The following SUV39H2 variants were observed in gnomAD, a reference collection of about 807,000 sequenced individuals.
The protein encoded by SUV39H2 is histone-lysine N-methyltransferase SUV39H2.
Under a neutral mutation model 47.5 loss-of-function variants are expected in SUV39H2, and 10 were observed. The ratio of observed to expected loss-of-function variants is 0.21; its 90% CI spans 0.13 to 0.36. SUV39H2 has a LOEUF of 0.36. Ranked by LOEUF, SUV39H2 falls within the 10% of genes least tolerant of loss-of-function variation. The pLI, the probability that SUV39H2 is intolerant of heterozygous loss-of-function variation, is 1.00. For missense variants in SUV39H2, 266 were observed against 487.4 expected, an observed-to-expected ratio of 0.55 and a Z score of 4.28; for synonymous variants, 159 against 166.8, an observed-to-expected ratio of 0.95 and a Z score of 0.36.
At chr10:14,888,453 G>A (rs1306333639) in intron 2 of SUV39H2, among the ~76,000 whole-genome samples, 1 of 151,900 alleles carries the variant, frequency 6.6e-6, no homozygotes, top group Non-Finnish European at 1.5e-5. Flanking sequence ...GGCCAACATG[G>A]TGAAACCCCG....
intron 2 of SUV39H2, among the ~76,000 whole-genome samples, chr10:14,882,927 G>T (rs573278260): frequency 4.0e-5 from 6 of 149,956 alleles, no homozygotes; most frequent in Non-Finnish European, 7.4e-5. Flanking sequence ...GAGTGCAGTC[G>T]TGCGATCTCA....
chr10:14,897,601 T>TAAAA, intron 3 of SUV39H2, 84 bp downstream of exon 3: 16 of 1,150,748 alleles, frequency 1.4e-5, no homozygotes, highest in Non-Finnish European at 1.7e-5. Flanking sequence ...CTTTAAGAGA[T>TAAAA]ACTTGGTACA....
In SUV39H2 at chr10:14,898,220, T is replaced by C. The variant is rs1241978173; in HGVS notation, c.849+703T>C. The C allele has an allele frequency of 1.5e-4, 21 of 142,504 alleles. No homozygotes were observed. The East Asian group carries it at 3.8e-3, about 25-fold the overall frequency. The allele number at this position is 142,504 out of a possible 1,614,324, so 8.8% of individuals were successfully genotyped here. ...ACTGTTTCTTTTTTTTTTTTTTTTT[T>C]TTTTTTTTTTGAGAAGTAGTACTGT... On this transcript the variant is annotated intron_variant, in intron 3 of 5. Transcript: ENST00000354919.
At chr10:14,894,391 G>T (rs1213671926) in intron 2 of SUV39H2, among the ~76,000 whole-genome samples, 1 of 44,828 alleles carries the variant, frequency 2.2e-5, no homozygotes, top group Non-Finnish European at 3.3e-5. Flanking sequence ...TTTTTGAGAC[G>T]GAGTCTCGCT....
intron 1 of SUV39H2, among the ~76,000 whole-genome samples, chr10:14,880,397 G>A (rs1438920930): frequency 6.6e-6 from 1 of 152,124 alleles, no homozygotes; most frequent in East Asian, 1.9e-4. Flanking sequence ...AAAGGTGATC[G>A]CAACTACCTT....
At chr10:14,894,499 CTGG>C (rs1833500879) in intron 2 of SUV39H2, among the ~76,000 whole-genome samples, 1 of 110,242 alleles carries the variant, frequency 9.1e-6, no homozygotes, top group South Asian at 3.4e-4. Context: ...TCCCGTGTAG[CTGG>C]GACTACAGGC....
chr10:14,902,865 A>C lies in SUV39H2; in HGVS notation c.*353A>C, dbSNP rs75420442. On this transcript the variant is annotated 3_prime_UTR_variant, in exon 6 of 6. Coordinates refer to ENST00000354919, the MANE Select transcript of SUV39H2 (RefSeq NM_001193424.2). ...TAATTAACAACTGCTGAGAGATCAAAGATTCAACTTGCCATACACCTCAAA... is the reference window on the plus strand; with the variant it reads ...TAATTAACAACTGCTGAGAGATCAACGATTCAACTTGCCATACACCTCAAA... 4.5e-5 allele frequency: 7 copies of C among 157,014 alleles called. No individual in the cohort carries two copies. The East Asian group carries it at 1.3e-3, about 29-fold the overall frequency. The allele number at this position is 157,014 out of a possible 1,614,324, so 9.7% of individuals were successfully genotyped here.
rs181364501 is a variant in SUV39H2 at position 14,881,055 on chromosome 10, A to G, written c.32-445A>G. On this transcript the variant is annotated intron_variant, in intron 1 of 5. Coordinates refer to ENST00000354919, the MANE Select transcript of SUV39H2 (RefSeq NM_001193424.2). ...AAAAAATGAAAGTTACGTGTTAACA[A>G]ATTATAAGATTGTTTTAAAGTATAT... Among the ~76,000 whole-genome samples, 801 of 152,342 alleles carry G rather than the reference A, an allele frequency of 5.3e-3. 5 individuals are homozygous for G. The highest frequency in any genetic ancestry group is 9.1e-3 in the Non-Finnish European group (621 of 68,008).
chr10:14,898,202 CTTTTTTTTTTTTTTTT>C (rs919860514), intron 3 of SUV39H2: 1 of 56,156 alleles, frequency 1.8e-5, no homozygotes, highest in African/African-American at 7.1e-5. Flanking sequence ...AGTACTGTTT[CTTTTTTTTTTTTTTTT>C]TTTTTTTTTT....
At chr10:14,882,453 A>G (rs72772435) in intron 2 of SUV39H2, among the ~76,000 whole-genome samples, 7,932 of 152,190 alleles carry the variant, frequency 0.052, 247 homozygotes, top group East Asian at 0.11. Flanking sequence ...ATGCCCATGC[A>G]TCTCACCTGC....
intron 2 of SUV39H2, among the ~76,000 whole-genome samples, chr10:14,883,269 A>G (rs1833098122): frequency 6.6e-6 from 1 of 151,726 alleles, no homozygotes; most frequent in African/African-American, 2.4e-5. Context: ...ACCTTCAGAG[A>G]TTTTCTTTGG....
At chr10:14,884,313 T>G (rs753920489) in intron 2 of SUV39H2, among the ~76,000 whole-genome samples, 3 of 152,210 alleles carry the variant, frequency 2.0e-5, no homozygotes, top group African/African-American at 4.8e-5. Flanking sequence ...TTTCAGTTCT[T>G]CACATCCTGG....
intron 2 of SUV39H2, among the ~76,000 whole-genome samples, chr10:14,886,013 G>A (rs1166873708): frequency 6.6e-6 from 1 of 152,016 alleles, no homozygotes; most frequent in Non-Finnish European, 1.5e-5. Context: ...CTGGCCACCC[G>A]CCACCTTTCC....
chr10:14,879,033 C>T, intron 1 of SUV39H2, 114 bp downstream of exon 1: 2 of 1,317,346 alleles, frequency 1.5e-6, no homozygotes, highest in African/African-American at 1.6e-5. Flanking sequence ...GTTCCCCGCC[C>T]GCCGCGACCC....
chr10:14,879,371 C>G (rs1473275943), intron 1 of SUV39H2, among the ~76,000 whole-genome samples: 1 of 152,212 alleles, frequency 6.6e-6, no homozygotes, highest in Non-Finnish European at 1.5e-5. Flanking sequence ...CCGGCGTGAA[C>G]ATGACCTTAA....
At chr10:14,886,103 G>A (rs1833199928) in intron 2 of SUV39H2, among the ~76,000 whole-genome samples, 2 of 152,276 alleles carry the variant, frequency 1.3e-5, no homozygotes, top group South Asian at 4.1e-4. Context: ...GATGTACTGA[G>A]CACCTGTTAT....
chr10:14,883,518 A>G (rs1285454782), intron 2 of SUV39H2, among the ~76,000 whole-genome samples: 3 of 151,734 alleles, frequency 2.0e-5, no homozygotes, highest in African/African-American at 7.3e-5. Context: ...CAGCCTGGCC[A>G]ACATAGTGAA....
rs1231795610 is a variant in SUV39H2 at position 14,897,369 on chromosome 10, A to G, written c.701A>G (p.Gln234Arg). 6.2e-7 allele frequency: 1 copy of G among 1,613,080 alleles called. No homozygotes were observed. The highest frequency in any genetic ancestry group is 1.3e-5 in the African/African-American group (1 of 74,950). The change falls in exon 3 of 6, where the codon CAG (glutamine) becomes CGG (arginine). Residue 234 changes from glutamine to arginine, a missense_variant. Gln to Arg is a conservative substitution (Grantham distance 43). Transcript: ENST00000354919. ...ATCTATGAATGCAACTCAAGGTGTC[A>G]GTGTGGTCCTGATTGTCCCAATAGG... ...TPIYECNSRC[Q>R]CGPDCPNRIV...
chr10:14,882,291 G>T (rs548470173), intron 2 of SUV39H2, among the ~76,000 whole-genome samples: 6 of 152,160 alleles, frequency 3.9e-5, no homozygotes, highest in African/African-American at 1.4e-4. Context: ...GAACTGTTTT[G>T]GTCATTAATC....
Sources: gnomAD v4.1 joint callset for allele counts (sites outside exome capture counted in the v4.1 genomes callset) on GRCh38, gnomAD v4.1.1 for gene constraint, MANE v1.5 for transcripts, NCBI Gene and HGNC (gene_info 2026-07-23, HGNC 2026-07-21) for gene names.